TOM1L2: variants seen among roughly 807,000 people sequenced by gnomAD.
TOM1L2 encodes TOM1-like protein 2.
TOM1L2 carries 31 observed loss-of-function variants against 67.9 expected under a neutral mutation model. The ratio of observed to expected loss-of-function variants is 0.46; its 90% CI spans 0.34 to 0.62. The LOEUF (loss-of-function observed/expected upper bound fraction) is 0.62, where lower values mean the gene tolerates loss of function less well. Among genes scored for constraint, TOM1L2 ranks in the 20% least tolerant of loss-of-function variants. The pLI is 0.01. For synonymous variants in TOM1L2, 256 were observed against 254.0 expected (o/e 1.01, Z -0.07); for missense variants, 606 against 663.5 (o/e 0.91, Z 0.95).
intron 1 of TOM1L2, among the ~76,000 whole-genome samples, chr17:17,910,742 G>A (rs1234700271): frequency 1.3e-5 from 2 of 151,892 alleles, no homozygotes; most frequent in Non-Finnish European, 2.9e-5. Flanking sequence ...GCTAATTTTT[G>A]TATTTGTAGT....
chr17:17,906,052 CT>C (rs150454237), intron 2 of TOM1L2, among the ~76,000 whole-genome samples: 2,344 of 152,110 alleles, frequency 0.015, 71 homozygotes, highest in African/African-American at 0.054. Context: ...TCCTCACCCC[CT>C]ACTCCCTCAT....
intron 7 of TOM1L2, among the ~76,000 whole-genome samples, chr17:17,870,772 C>A (rs1271439319): frequency 6.6e-6 from 1 of 152,152 alleles, no homozygotes; most frequent in East Asian, 1.9e-4. Context: ...GGGGGTGTTA[C>A]CATTTATCCA....
chr17:17,853,924 C>G (rs1311027754), intron 12 of TOM1L2, among the ~76,000 whole-genome samples: 2 of 152,230 alleles, frequency 1.3e-5, no homozygotes, highest in African/African-American at 4.8e-5. Flanking sequence ...ATTCTTATGA[C>G]TCAGAAACCT....
At chr17:17,871,962 C>T in intron 7 of TOM1L2, 1 of 985,266 alleles carries the variant, frequency 1.0e-6, no homozygotes, top group Non-Finnish European at 1.2e-6. Context: ...ACAAAATACC[C>T]ACTCTCCTCT....
chr17:17,877,817 G>A (rs1053006678), intron 7 of TOM1L2, among the ~76,000 whole-genome samples: 3 of 151,750 alleles, frequency 2.0e-5, no homozygotes, highest in African/African-American at 4.8e-5. Context: ...ACCTATTTTT[G>A]AAAGCTGTGA....
chr17:17,931,866 T>C (rs1484126647), intron 1 of TOM1L2, among the ~76,000 whole-genome samples: 1 of 152,210 alleles, frequency 6.6e-6, no homozygotes, highest in Non-Finnish European at 1.5e-5. Flanking sequence ...AGAAAATAAT[T>C]CTTATCATAC....
chr17:17,910,955 C>T (rs2039321455), intron 1 of TOM1L2, among the ~76,000 whole-genome samples: 2 of 152,190 alleles, frequency 1.3e-5, no homozygotes, highest in Admixed American at 1.3e-4. Flanking sequence ...ATGCAAAATG[C>T]TAAAACCAGT....
chr17:17,913,871 C>G (rs1465064062), intron 1 of TOM1L2, among the ~76,000 whole-genome samples: 2 of 152,154 alleles, frequency 1.3e-5, no homozygotes, highest in African/African-American at 4.8e-5. Context: ...ATTAAGCCTC[C>G]CAAGACTGTA....
At chr17:17,850,525 C>T (rs1488199350) in intron 13 of TOM1L2, among the ~76,000 whole-genome samples, 1 of 151,938 alleles carries the variant, frequency 6.6e-6, no homozygotes, top group Non-Finnish European at 1.5e-5. Context: ...AAAAAACATG[C>T]TCCCCCAACA....
intron 7 of TOM1L2, among the ~76,000 whole-genome samples, chr17:17,876,293 T>C (rs2037418860): frequency 6.6e-6 from 1 of 152,116 alleles, no homozygotes; most frequent in African/African-American, 2.4e-5. Flanking sequence ...AACCACCAGA[T>C]GAGAAGTGAC....
At chr17:17,926,293 C>T (rs1349723889) in intron 1 of TOM1L2, among the ~76,000 whole-genome samples, 2 of 151,944 alleles carry the variant, frequency 1.3e-5, no homozygotes, top group South Asian at 4.2e-4. Context: ...CCCAATATCT[C>T]TCAAAAGGCA....
intron 7 of TOM1L2, among the ~76,000 whole-genome samples, chr17:17,872,314 T>A (rs1200778394): frequency 6.6e-6 from 1 of 152,240 alleles, no homozygotes; most frequent in Non-Finnish European, 1.5e-5. Flanking sequence ...AGGACTGAAG[T>A]GAACAATTAA....
At chr17:17,848,620 T>C (rs2035782376) in intron 14 of TOM1L2, among the ~76,000 whole-genome samples, 2 of 152,244 alleles carry the variant, frequency 1.3e-5, no homozygotes, top group Admixed American at 6.5e-5. Flanking sequence ...TTCTGACCTG[T>C]TTCCCAATAA....
chr17:17,965,251 A>G (rs1436925116), intron 1 of TOM1L2, among the ~76,000 whole-genome samples: 1 of 152,116 alleles, frequency 6.6e-6, no homozygotes, highest in Non-Finnish European at 1.5e-5. Context: ...CAGTACCTCT[A>G]AAATATAGTT....
At chr17:17,907,667 G>T in intron 1 of TOM1L2, 136 bp from the exon 2 acceptor site, 1 of 694,918 alleles carries the variant, frequency 1.4e-6, no homozygotes, top group Non-Finnish European at 2.4e-6. Context: ...TTCTAGGAGT[G>T]CTATTATCAC....
At chr17:17,877,520 C>T (rs556237347) in intron 7 of TOM1L2, among the ~76,000 whole-genome samples, 35 of 152,286 alleles carry the variant, frequency 2.3e-4, no homozygotes, top group African/African-American at 7.7e-4. Flanking sequence ...TTCAGTGTGG[C>T]TCTGACCCTT....
At chr17:17,881,320 G>A (rs2037711869) in intron 6 of TOM1L2, among the ~76,000 whole-genome samples, 1 of 152,122 alleles carries the variant, frequency 6.6e-6, no homozygotes, top group Non-Finnish European at 1.5e-5. Flanking sequence ...GCCAGGCTGG[G>A]TGCTGACCTG....
intron 10 of TOM1L2, among the ~76,000 whole-genome samples, chr17:17,864,859 A>G (rs1568094410): frequency 6.6e-6 from 1 of 152,224 alleles, no homozygotes. Context: ...AGGCAGAGAC[A>G]TCTGTTCTGA....
At chr17:17,916,337 T>G (rs1221489205) in intron 1 of TOM1L2, among the ~76,000 whole-genome samples, 1 of 152,200 alleles carries the variant, frequency 6.6e-6, no homozygotes, top group East Asian at 1.9e-4. Context: ...CCTCCCAAAG[T>G]GCTGGGATTA....
Sources: gnomAD v4.1 joint callset for allele counts (sites outside exome capture counted in the v4.1 genomes callset) on GRCh38, gnomAD v4.1.1 for gene constraint, MANE v1.5 for transcripts, NCBI Gene and HGNC (gene_info 2026-07-23, HGNC 2026-07-21) for gene names.